CHCHD6: variants seen among roughly 807,000 people sequenced by gnomAD.
The protein encoded by CHCHD6 is coiled-coil-helix-coiled-coil-helix domain containing 6, also known as MICOS complex subunit MIC25.
In CHCHD6, 28 loss-of-function variants were observed where a neutral mutation model predicts 32.3. The ratio of observed to expected loss-of-function variants is 0.87; its 90% CI spans 0.64 to 1.19. The LOEUF is 1.19. Among genes scored for constraint, CHCHD6 ranks in the 50% most tolerant of loss-of-function variants. CHCHD6 has a pLI of 0.00. For missense variants in CHCHD6, 333 were observed against 307.0 expected, an observed-to-expected ratio of 1.08 and a Z score of -0.63; for synonymous variants, 122 against 117.5, an observed-to-expected ratio of 1.04 and a Z score of -0.25.
chr3:126,871,287 C>T (rs1223940341), intron 5 of CHCHD6, among the ~76,000 whole-genome samples: 1 of 152,176 alleles, frequency 6.6e-6, no homozygotes, highest in Non-Finnish European at 1.5e-5. Flanking sequence ...TGGTCCTTAA[C>T]ATTTTCCAAA....
At chr3:126,769,401 C>T (rs1162439719) in intron 4 of CHCHD6, among the ~76,000 whole-genome samples, 3 of 152,104 alleles carry the variant, frequency 2.0e-5, no homozygotes, top group Non-Finnish European at 2.9e-5. Flanking sequence ...AATACTCTGC[C>T]GTTTTGTTTA....
chr3:126,889,091 G>A (rs1394184513), intron 5 of CHCHD6, among the ~76,000 whole-genome samples: 1 of 152,206 alleles, frequency 6.6e-6, no homozygotes, highest in Admixed American at 6.5e-5. Context: ...AAAGCCCCAG[G>A]TGGCTGCCCA....
At chr3:126,775,429 T>C (rs367770267) in intron 4 of CHCHD6, among the ~76,000 whole-genome samples, 1 of 152,168 alleles carries the variant, frequency 6.6e-6, no homozygotes, top group Non-Finnish European at 1.5e-5. Context: ...GAATTTAAAA[T>C]AGAAAGTGAG....
chr3:126,780,376 C>T (rs763911445), intron 4 of CHCHD6: 7 of 423,960 alleles, frequency 1.7e-5, no homozygotes, highest in South Asian at 1.3e-4. Flanking sequence ...CCAAAGGTAT[C>T]CAATAAAAAG....
At chr3:126,902,209 G>C (rs898123827) in intron 5 of CHCHD6, among the ~76,000 whole-genome samples, 1 of 152,226 alleles carries the variant, frequency 6.6e-6, no homozygotes, top group Non-Finnish European at 1.5e-5. Flanking sequence ...CCAGTAATCA[G>C]GGTCTCTGTG....
At chr3:126,874,806 T>G (rs559346092) in intron 5 of CHCHD6, among the ~76,000 whole-genome samples, 1 of 152,282 alleles carries the variant, frequency 6.6e-6, no homozygotes, top group East Asian at 1.9e-4. Flanking sequence ...AGTTCCCTGC[T>G]CAGAAGGATG....
intron 5 of CHCHD6, among the ~76,000 whole-genome samples, chr3:126,892,322 T>C (rs1489660454): frequency 6.6e-6 from 1 of 152,194 alleles, no homozygotes; most frequent in African/African-American, 2.4e-5. Context: ...ACAACAGCCA[T>C]GAAAACATTA....
chr3:126,779,768 A>G (rs1159619996), intron 4 of CHCHD6, among the ~76,000 whole-genome samples: 2 of 152,200 alleles, frequency 1.3e-5, no homozygotes, highest in African/African-American at 4.8e-5. Flanking sequence ...AGTTTTTGCC[A>G]AGCATATATA....
At chr3:126,888,387 C>T (rs1051203733) in intron 5 of CHCHD6, among the ~76,000 whole-genome samples, 3 of 152,226 alleles carry the variant, frequency 2.0e-5, no homozygotes, top group African/African-American at 7.2e-5. Context: ...ATTCTGTTAT[C>T]TAACATCTGA....
chr3:126,733,709 C>T (rs1428335057), intron 4 of CHCHD6, among the ~76,000 whole-genome samples: 1 of 152,132 alleles, frequency 6.6e-6, no homozygotes, highest in Non-Finnish European at 1.5e-5. Flanking sequence ...ACAGGACTGC[C>T]CAGGGAATCA....
intron 4 of CHCHD6, among the ~76,000 whole-genome samples, chr3:126,834,301 A>C (rs1940767909): frequency 6.6e-6 from 1 of 152,174 alleles, no homozygotes. Flanking sequence ...GAATAATTAG[A>C]ATAATTATAG....
intron 4 of CHCHD6, among the ~76,000 whole-genome samples, chr3:126,786,292 G>A (rs1169150948): frequency 6.6e-6 from 1 of 152,138 alleles, no homozygotes; most frequent in Non-Finnish European, 1.5e-5. Context: ...AAACATACAT[G>A]TGTGTGTGTC....
intron 5 of CHCHD6, among the ~76,000 whole-genome samples, chr3:126,871,823 G>A (rs539798161): frequency 7.0e-4 from 106 of 151,900 alleles, no homozygotes; most frequent in African/African-American, 2.3e-3. Flanking sequence ...GCACCACCAC[G>A]CCTGGCTAAT....
intron 4 of CHCHD6, among the ~76,000 whole-genome samples, chr3:126,840,170 A>G (rs1941014499): frequency 6.6e-6 from 1 of 152,194 alleles, no homozygotes; most frequent in Non-Finnish European, 1.5e-5. Flanking sequence ...ATGATATTCC[A>G]TTATATAGAT....
At chr3:126,852,616 G>A (rs546984338) in intron 4 of CHCHD6, 31 bp from the exon 5 acceptor site, 65 of 1,572,324 alleles carry the variant, frequency 4.1e-5, no homozygotes, top group South Asian at 4.0e-4. Flanking sequence ...ATCGCTGCTG[G>A]CTAACGTGGG....
chr3:126,919,317 C>CT (rs756862821), intron 6 of CHCHD6, among the ~76,000 whole-genome samples: 19,160 of 67,972 alleles, frequency 0.28, 1,454 homozygotes, highest in Middle Eastern at 0.4. Context: ...TTTCTTTTTT[C>CT]TTTTTTTTTT....
intron 5 of CHCHD6, among the ~76,000 whole-genome samples, chr3:126,900,588 G>A (rs2077909454): frequency 6.7e-6 from 1 of 149,276 alleles, no homozygotes; most frequent in Admixed American, 6.8e-5. Context: ...GAGAAGGACG[G>A]GAGGTGTGAC....
chr3:126,864,105 ATCCTCCACCACCATCACCACC>A (rs1942129335), intron 5 of CHCHD6, among the ~76,000 whole-genome samples: 1 of 61,644 alleles, frequency 1.6e-5, no homozygotes, highest in South Asian at 6.0e-4. Context: ...CCATTACCAC[ATCCTCCACCACCATCACCACC>A]TCCTCCACCA....
intron 4 of CHCHD6, among the ~76,000 whole-genome samples, chr3:126,794,882 AC>A (rs1335876631): frequency 3.9e-5 from 6 of 152,204 alleles, no homozygotes; most frequent in African/African-American, 1.4e-4. Flanking sequence ...TGCTCAGTAA[AC>A]TACATCAGCA....
Sources: gnomAD v4.1 joint callset for allele counts (sites outside exome capture counted in the v4.1 genomes callset) on GRCh38, gnomAD v4.1.1 for gene constraint, MANE v1.5 for transcripts, NCBI Gene and HGNC (gene_info 2026-07-23, HGNC 2026-07-21) for gene names.